The following NEO1 variants were observed in gnomAD, a reference collection of about 807,000 sequenced individuals.
NEO1 encodes the protein neogenin 1, also known as neogenin.
NEO1 carries 63 observed loss-of-function variants against 159.7 expected under a neutral mutation model. The ratio of observed to expected loss-of-function variants is 0.39; its 90% CI spans 0.32 to 0.49. NEO1 has a LOEUF of 0.49. Among genes scored for constraint, NEO1 ranks in the 20% least tolerant of loss-of-function variants. The pLI, the probability that NEO1 is intolerant of heterozygous loss-of-function variation, is 0.85. For synonymous variants in NEO1, 633 were observed against 662.0 expected (o/e 0.96, Z 0.67); for missense variants, 1,615 against 1,831.0 (o/e 0.88, Z 2.15).
At chr15:73,142,947 A>T (rs2032544700) in intron 5 of NEO1, among the ~76,000 whole-genome samples, 1 of 152,252 alleles carries the variant, frequency 6.6e-6, no homozygotes, top group Non-Finnish European at 1.5e-5. Flanking sequence ...GATCGAAAAG[A>T]CTGAAGCTGA....
At chr15:73,248,068 C>T (rs1164242199) in intron 9 of NEO1, among the ~76,000 whole-genome samples, 1 of 152,172 alleles carries the variant, frequency 6.6e-6, no homozygotes, top group Non-Finnish European at 1.5e-5. Flanking sequence ...ACTTCATAAC[C>T]TCACCTGTAA....
At chr15:73,087,373 T>C (rs1375590820) in intron 1 of NEO1, among the ~76,000 whole-genome samples, 1 of 152,190 alleles carries the variant, frequency 6.6e-6, no homozygotes, top group Non-Finnish European at 1.5e-5. Context: ...TAATATTCCT[T>C]TTATTTATTA....
chr15:73,162,940 G>T, intron 5 of NEO1: 1 of 177,682 alleles, frequency 5.6e-6, no homozygotes. Context: ...TGGGGTGGTG[G>T]CACACACTTA....
intron 4 of NEO1, among the ~76,000 whole-genome samples, chr15:73,130,017 A>G (rs1049452409): frequency 6.6e-6 from 1 of 152,116 alleles, no homozygotes; most frequent in Non-Finnish European, 1.5e-5. Flanking sequence ...CTTTCTTGAG[A>G]CAGAGTCTCG....
intron 5 of NEO1, among the ~76,000 whole-genome samples, chr15:73,145,948 T>C (rs1250427873): frequency 6.6e-6 from 1 of 152,182 alleles, no homozygotes; most frequent in African/African-American, 2.4e-5. Context: ...GGTAACTTAA[T>C]TTCAAGGGCA....
At chr15:73,076,118 T>C (rs1270270716) in intron 1 of NEO1, among the ~76,000 whole-genome samples, 1 of 152,088 alleles carries the variant, frequency 6.6e-6, no homozygotes, top group Non-Finnish European at 1.5e-5. Context: ...TTAATAGAAG[T>C]ACAAAGGACC....
chr15:73,204,071 T>A (rs1354246530), intron 7 of NEO1, among the ~76,000 whole-genome samples: 2 of 151,902 alleles, frequency 1.3e-5, no homozygotes, highest in African/African-American at 4.8e-5. Flanking sequence ...TTATTTCTCA[T>A]TAACCTTTGA....
At chr15:73,069,123 G>GT (rs750116133) in intron 1 of NEO1, among the ~76,000 whole-genome samples, 4 of 113,672 alleles carry the variant, frequency 3.5e-5, no homozygotes, top group African/African-American at 1.1e-4. Context: ...GCTAATTTTT[G>GT]TATTTTTTTT....
chr15:73,173,586 A>G (rs2035102501), intron 5 of NEO1, among the ~76,000 whole-genome samples: 1 of 152,182 alleles, frequency 6.6e-6, no homozygotes, highest in African/African-American at 2.4e-5. Context: ...GAAGAAGGGA[A>G]AGCCTTTGGA....
At chr15:73,261,567 C>T (rs1398673243) in intron 15 of NEO1, among the ~76,000 whole-genome samples, 7 of 152,148 alleles carry the variant, frequency 4.6e-5, no homozygotes, top group East Asian at 3.9e-4. Flanking sequence ...AACAATACCA[C>T]GTAGAATAGC....
chr15:73,297,795 G>A (rs916548028), intron 26 of NEO1, among the ~76,000 whole-genome samples: 1 of 152,236 alleles, frequency 6.6e-6, no homozygotes, highest in Non-Finnish European at 1.5e-5. Context: ...GGGCTGCTCT[G>A]TTTGTTGTCC....
intron 22 of NEO1, among the ~76,000 whole-genome samples, chr15:73,281,408 C>T (rs966458164): frequency 2.6e-5 from 4 of 151,604 alleles, no homozygotes; most frequent in African/African-American, 9.7e-5. Flanking sequence ...GCACCGCCAC[C>T]ATGCCCGGCT....
chr15:73,240,798 C>A (rs955121793), intron 8 of NEO1, among the ~76,000 whole-genome samples: 2 of 152,084 alleles, frequency 1.3e-5, no homozygotes, highest in Admixed American at 6.5e-5. Context: ...TTTGGGAGAC[C>A]ATAATAGTTT....
chr15:73,280,612 T>C (rs1462435470), intron 22 of NEO1, among the ~76,000 whole-genome samples: 4 of 152,182 alleles, frequency 2.6e-5, no homozygotes, highest in Non-Finnish European at 4.4e-5. Flanking sequence ...TACTCTAATA[T>C]GAACAGTATG....
chr15:73,141,759 C>T (rs2032408486), intron 5 of NEO1, among the ~76,000 whole-genome samples: 1 of 152,240 alleles, frequency 6.6e-6, no homozygotes, highest in African/African-American at 2.4e-5. Flanking sequence ...CCCCTTTTCT[C>T]TCAGTCTTTG....
chr15:73,220,521 GT>G (rs1347111480), intron 7 of NEO1, among the ~76,000 whole-genome samples: 1 of 152,180 alleles, frequency 6.6e-6, no homozygotes, highest in African/African-American at 2.4e-5. Flanking sequence ...CCTGCAGAGT[GT>G]TTTCCAACTT....
chr15:73,116,806 G>A lies in NEO1; in HGVS notation c.397G>A (p.Val133Ile), dbSNP rs751315703. ...DEGYYQCVAT[V>I]ESLGTIISRT... ...AGGTTATTATCAGTGTGTGGCCACT[G>A]TTGAGAGTCTTGGAACTATTATCAG... The change falls in exon 2 of 29, where the codon GTT (valine) becomes ATT (isoleucine). Residue 133 changes from valine (V) to isoleucine (I), a missense_variant. This residue lies in a region of NEO1 where 1,018 missense variants were observed against 1,115.4 expected (regional missense o/e 0.91). Transcript: ENST00000261908. 4 of 1,609,846 alleles carry A rather than the reference G, an allele frequency of 2.5e-6. No homozygotes were observed. In the Admixed American group the frequency reaches 6.8e-5, roughly 27 times the overall value.
At chr15:73,109,975 A>C (rs1299699805) in intron 1 of NEO1, among the ~76,000 whole-genome samples, 3 of 152,200 alleles carry the variant, frequency 2.0e-5, no homozygotes, top group East Asian at 3.8e-4. Flanking sequence ...GTTACGTAGC[A>C]AAGCAGGGTG....
chr15:73,172,098 GA>G (rs1216895828), intron 5 of NEO1, among the ~76,000 whole-genome samples: 17 of 152,170 alleles, frequency 1.1e-4, no homozygotes, highest in Non-Finnish European at 1.5e-5. Flanking sequence ...GCTGGGAATG[GA>G]ATGGATTAAG....
Sources: gnomAD v4.1 joint callset for allele counts (sites outside exome capture counted in the v4.1 genomes callset) on GRCh38, gnomAD v4.1.1 for gene constraint, gnomAD v4.1.1 regional missense constraint, MANE v1.5 for transcripts, NCBI Gene and HGNC (gene_info 2026-07-23, HGNC 2026-07-21) for gene names.